The following ULK4 variants were observed in gnomAD, a reference collection of about 807,000 sequenced individuals.
ULK4 encodes the protein inactive serine/threonine-protein kinase ULK4.
A neutral mutation model predicts 160.6 loss-of-function variants in ULK4; 133 were observed. The ratio of observed to expected loss-of-function variants is 0.83; its 90% CI spans 0.72 to 0.96. ULK4 has a LOEUF of 0.96. Among genes scored for constraint, ULK4 ranks in the 40% least tolerant of loss-of-function variants. ULK4 has a pLI of 0.00. For missense variants in ULK4, 1,580 were observed against 1,499.5 expected, an observed-to-expected ratio of 1.05 and a Z score of -0.89; for synonymous variants, 534 against 539.8, an observed-to-expected ratio of 0.99 and a Z score of 0.15.
chr3:41,540,380 T>C (rs1055169773), intron 32 of ULK4, among the ~76,000 whole-genome samples: 9 of 152,358 alleles, frequency 5.9e-5, no homozygotes, highest in East Asian at 1.9e-4. Context: ...TTCTTTTTTA[T>C]GGCTGCATAG....
At chr3:41,456,068 C>A (rs1330656432) in intron 33 of ULK4, among the ~76,000 whole-genome samples, 1 of 152,172 alleles carries the variant, frequency 6.6e-6, no homozygotes, top group Non-Finnish European at 1.5e-5. Flanking sequence ...TGCCACCACA[C>A]CTCGCTAGTT....
At chr3:41,542,366 G>C (rs147670979) in intron 32 of ULK4, among the ~76,000 whole-genome samples, 1 of 152,148 alleles carries the variant, frequency 6.6e-6, no homozygotes, top group Non-Finnish European at 1.5e-5. Context: ...TTGCATCCCA[G>C]GGATGAAGCC....
chr3:41,584,502 A>G (rs2030639484), intron 31 of ULK4, among the ~76,000 whole-genome samples: 1 of 152,046 alleles, frequency 6.6e-6, no homozygotes, highest in Non-Finnish European at 1.5e-5. Context: ...TTGCCCAGTG[A>G]TCTTCAACCC....
chr3:41,873,238 T>TTTTTTA (rs776627434), intron 17 of ULK4, among the ~76,000 whole-genome samples: 26,643 of 148,908 alleles, frequency 0.18, 2,489 homozygotes, highest in Middle Eastern at 0.31. Context: ...TTTTTTTTTT[T>TTTTTTA]TTTTTGAAAA....
rs1329210599 is a variant in ULK4 at position 41,865,270 on chromosome 3, TTAAAAA to T, written c.1656+18598_1656+18603del. Among the ~76,000 whole-genome samples the T allele has an allele frequency of 5.0e-3, 330 of 65,606 alleles. 26 individuals are homozygous for T. Among genetic ancestry groups the T allele is most frequent in the African/African-American group, 0.016 (262 of 16,028 alleles). The allele number at this position is 65,606 out of a possible 152,430, so 43.0% of individuals were successfully genotyped here. On this transcript the variant is annotated intron_variant, in intron 17 of 36. Transcript: ENST00000301831. ...TGGGCAACAGAGCAAGACTCTGTCT[TTAAAAA>T]AAAAAAAAAAAAAAAAAAAAAAAAA... is the stretch of plus-strand genomic sequence containing the variant.
At chr3:41,635,456 A>C (rs2033915817) in intron 30 of ULK4, among the ~76,000 whole-genome samples, 1 of 152,058 alleles carries the variant, frequency 6.6e-6, no homozygotes, top group Non-Finnish European at 1.5e-5. Context: ...AGAAGCATAA[A>C]TATATTAATG....
intron 27 of ULK4, among the ~76,000 whole-genome samples, chr3:41,686,956 GC>G (rs2036120524): frequency 6.6e-6 from 1 of 152,196 alleles, no homozygotes; most frequent in African/African-American, 2.4e-5. Flanking sequence ...AGTGGCTCAT[GC>G]CTATAATCCC....
At chr3:41,690,226 G>A in intron 27 of ULK4, among the ~76,000 whole-genome samples, 1 of 150,810 alleles carries the variant, frequency 6.6e-6, no homozygotes, top group East Asian at 1.9e-4. Flanking sequence ...TCACTCATAG[G>A]TGGGAACTGA....
intron 35 of ULK4, among the ~76,000 whole-genome samples, chr3:41,313,330 T>G (rs906912529): frequency 6.6e-6 from 1 of 152,246 alleles, no homozygotes; most frequent in Non-Finnish European, 1.5e-5. Flanking sequence ...AGTTAATGTA[T>G]GTAATGTGCT....
In ULK4 at chr3:41,911,346, A is replaced by G. The variant is rs9877875; in HGVS notation, c.1056T>C (p.Gly352=). 38,025 of 1,613,866 alleles carry G rather than the reference A, an allele frequency of 0.024. 981 individuals are homozygous for G. The highest frequency in any genetic ancestry group is 0.12 in the African/African-American group (8,772 of 74,970). ...GAAGAAACATGGATTCATTCAATTG[A>G]CCCTCAAGAGTACTCTTAGGCCGAA... ...TEFRPKSTLE[G]QLNESMFLLS... is the part of the protein sequence containing the mutation. Residue 352 remains glycine, a synonymous_variant, in exon 11 of 37, where the codon GGT becomes GGC. Coordinates refer to ENST00000301831, the MANE Select transcript of ULK4 (RefSeq NM_017886.4).
intron 2 of ULK4, among the ~76,000 whole-genome samples, chr3:41,946,534 C>A (rs904134372): frequency 1.3e-5 from 2 of 152,180 alleles, no homozygotes; most frequent in Non-Finnish European, 2.9e-5. Context: ...CCCCAAAGAT[C>A]CCCTAATCAC....
At chr3:41,373,048 T>C (rs2125785338) in intron 35 of ULK4, among the ~76,000 whole-genome samples, 1 of 152,240 alleles carries the variant, frequency 6.6e-6, no homozygotes. Context: ...ATGAAGGGCA[T>C]TATGTAATAG....
chr3:41,439,905 C>T (rs151337807), intron 34 of ULK4, among the ~76,000 whole-genome samples: 324 of 152,242 alleles, frequency 2.1e-3, no homozygotes, highest in African/African-American at 7.4e-3. Context: ...TTTCTCTAAG[C>T]AATGTTTTGT....
At chr3:41,862,765 G>GTCTCTC (rs549887441) in intron 17 of ULK4, among the ~76,000 whole-genome samples, 2 of 143,276 alleles carry the variant, frequency 1.4e-5, no homozygotes, top group East Asian at 2.0e-4. Context: ...CAGTCAGTCA[G>GTCTCTC]TCTCTCTCTC....
intron 35 of ULK4, among the ~76,000 whole-genome samples, chr3:41,251,949 A>G (rs1009043539): frequency 1.1e-4 from 16 of 152,226 alleles, no homozygotes; most frequent in Admixed American, 2.0e-4. Context: ...CAACCTGTGT[A>G]TGCATGGAAC....
chr3:41,692,992 C>T (rs1218157000), intron 27 of ULK4, among the ~76,000 whole-genome samples: 3 of 152,146 alleles, frequency 2.0e-5, no homozygotes. Flanking sequence ...AGCTCTGGGA[C>T]ATTTAAGCTA....
At chr3:41,876,229 G>T (rs1697297757) in intron 17 of ULK4, among the ~76,000 whole-genome samples, 1 of 152,110 alleles carries the variant, frequency 6.6e-6, no homozygotes, top group Admixed American at 6.6e-5. Context: ...AGAGCACCAA[G>T]TTGTTTCTTA....
chr3:41,817,576 C>A (rs976113131), intron 19 of ULK4, among the ~76,000 whole-genome samples: 2 of 151,980 alleles, frequency 1.3e-5, no homozygotes, highest in Non-Finnish European at 2.9e-5. Context: ...ACATTGGGTA[C>A]ACATGGACAG....
At chr3:41,347,854 T>G (rs1247339468) in intron 35 of ULK4, among the ~76,000 whole-genome samples, 1 of 152,144 alleles carries the variant, frequency 6.6e-6, no homozygotes, top group African/African-American at 2.4e-5. Flanking sequence ...GTTACTTGTA[T>G]GCGCAATAAG....
Sources: gnomAD v4.1 joint callset for allele counts (sites outside exome capture counted in the v4.1 genomes callset) on GRCh38, gnomAD v4.1.1 for gene constraint, MANE v1.5 for transcripts, NCBI Gene and HGNC (gene_info 2026-07-23, HGNC 2026-07-21) for gene names.